Variants in PRPF6 observed in about 807,000 individuals in gnomAD.
PRPF6 encodes pre-mRNA processing factor 6, also known as pre-mRNA-processing factor 6.
In PRPF6, 42 loss-of-function variants were observed where a neutral mutation model predicts 118.3. That is an observed-to-expected ratio of 0.35 (90% CI 0.28 to 0.46). The LOEUF (loss-of-function observed/expected upper bound fraction) is 0.46. Among genes scored for constraint, PRPF6 ranks in the 20% least tolerant of loss-of-function variants. The probability of loss-of-function intolerance (pLI) is 1.00; values close to 1 mark genes in which losing one functional copy is unlikely to be tolerated. For synonymous variants in PRPF6, 481 were observed against 485.1 expected (o/e 0.99, Z 0.11); for missense variants, 662 against 1,255.7 (o/e 0.53, Z 7.15).
At chr20:64,010,346 G>C (rs749384713) in intron 10 of PRPF6, 28 bp downstream of exon 10, 2 of 1,582,408 alleles carry the variant, frequency 1.3e-6, no homozygotes, top group Admixed American at 3.3e-5. Flanking sequence ...AGGGCCACCA[G>C]AGCCCAAAGT....
intron 8 of PRPF6, 33 bp downstream of exon 8, chr20:63,999,792 G>A (rs372733757): frequency 9.1e-5 from 147 of 1,612,028 alleles, no homozygotes; most frequent in Non-Finnish European, 1.1e-4. Flanking sequence ...TTTCCTGGGA[G>A]GCTGCGTGAT....
intron 19 of PRPF6, among the ~76,000 whole-genome samples, chr20:64,031,405 G>A (rs553544952): frequency 5.9e-5 from 9 of 152,316 alleles, no homozygotes; most frequent in African/African-American, 1.4e-4. Context: ...GGACAGGTGC[G>A]GTGGCTCATG....
At chr20:63,984,804 G>T in intron 2 of PRPF6, 103 bp from the exon 3 acceptor site, 1 of 875,336 alleles carries the variant, frequency 1.1e-6, no homozygotes, top group Non-Finnish European at 1.9e-6. Flanking sequence ...GTTGGCTGAA[G>T]AAAATAATTT....
chr20:64,032,339 G>A (rs753227627), intron 20 of PRPF6, among the ~76,000 whole-genome samples: 3 of 152,236 alleles, frequency 2.0e-5, no homozygotes, highest in Non-Finnish European at 4.4e-5. Flanking sequence ...GCTGGCTGGA[G>A]CCTGGGCTCA....
In PRPF6 at chr20:64,027,374, AGT is replaced by A. The variant is rs1215858941; in HGVS notation, c.2205+220_2205+221del. On this transcript the variant is annotated intron_variant, in intron 16 of 20. Coordinates refer to ENST00000266079, the MANE Select transcript of PRPF6 (RefSeq NM_012469.4). This position sits in a 1 kb window ranked among gnomAD's most constrained non-coding sequence, Gnocchi z 6.5. ...CTGCACACACTGCTCAGAAGTGCAG[AGT>A]GTGGCACACCTGCAGTAAAGGCTGG... Among the ~76,000 whole-genome samples, 1 of 152,078 alleles carries A rather than the reference AGT, an allele frequency of 6.6e-6. No individual in the cohort carries two copies. Among genetic ancestry groups the A allele is most frequent in the Non-Finnish European group, 1.5e-5 (1 of 68,002 alleles).
chr20:64,029,547 C>T lies in PRPF6; in HGVS notation c.2546+56C>T. 1 of 1,428,528 alleles carries T rather than the reference C, an allele frequency of 7.0e-7. No individual in the cohort carries two copies. Among genetic ancestry groups the T allele is most frequent in the Non-Finnish European group, 9.9e-7 (1 of 1,013,340 alleles). The allele number at this position is 1,428,528 out of a possible 1,614,324, so 88.5% of individuals were successfully genotyped here. ...CTCGGGGTCCTAATGGGCTCTTTTT[C>T]CAGAGTCTGTCTGCCTCTTCCTGGT... On this transcript the variant is annotated intron_variant, in intron 19 of 20. Transcript: ENST00000266079. The surrounding 1 kb of genome is among the most constrained non-coding windows in gnomAD (Gnocchi z 4.8).
chr20:64,020,913 A>G (rs1317609974), intron 12 of PRPF6, among the ~76,000 whole-genome samples: 1 of 151,936 alleles, frequency 6.6e-6, no homozygotes, highest in Non-Finnish European at 1.5e-5. Context: ...CAGCCTCCCA[A>G]GTAGCTGGGA....
In PRPF6 at chr20:64,025,508, C is replaced by A. The variant is rs556825209; in HGVS notation, c.1909-431C>A. Among the ~76,000 whole-genome samples the A allele has an allele frequency of 7.4e-4, 112 of 152,356 alleles. 1 individual carries two copies. Among genetic ancestry groups the A allele is most frequent in the African/African-American group, 2.6e-3 (108 of 41,578 alleles). On this transcript the variant is annotated intron_variant, in intron 14 of 20. Transcript: ENST00000266079. The stretch of plus-strand genomic sequence containing the variant: ...GGCACCCTGGGAGTCCTCTCTCCTG[C>A]CCATGTGGGCTCATGAGGACAGGAC...
At chr20:64,022,367 G>T (rs888154941) in intron 12 of PRPF6, among the ~76,000 whole-genome samples, 3 of 152,190 alleles carry the variant, frequency 2.0e-5, no homozygotes, top group Non-Finnish European at 4.4e-5. Context: ...GAGTGCAGTG[G>T]CGTGATCTCG....
chr20:64,006,370 G>A (rs2059189872), intron 9 of PRPF6, among the ~76,000 whole-genome samples: 1 of 148,800 alleles, frequency 6.7e-6, no homozygotes, highest in South Asian at 2.1e-4. Context: ...AGGCTAGAGT[G>A]CAGTGGCGCA....
At chr20:64,001,318 C>A in intron 9 of PRPF6, 79 bp downstream of exon 9, 1 of 1,534,338 alleles carries the variant, frequency 6.5e-7, no homozygotes, top group Non-Finnish European at 9.0e-7. Context: ...CTGGCTCAGG[C>A]TTTTGGTGAG....
At chr20:64,002,626 G>A (rs1264386160) in intron 9 of PRPF6, among the ~76,000 whole-genome samples, 1 of 150,590 alleles carries the variant, frequency 6.6e-6, no homozygotes, top group African/African-American at 2.4e-5. Flanking sequence ...GTGAGCCCCT[G>A]TGCCTGGCCT....
chr20:64,013,529 C>T (rs1466447995), intron 11 of PRPF6, among the ~76,000 whole-genome samples: 22 of 152,016 alleles, frequency 1.4e-4, no homozygotes, highest in Admixed American at 1.4e-3. Flanking sequence ...TCACTGCATC[C>T]TTGACCTGGG....
intron 3 of PRPF6, among the ~76,000 whole-genome samples, chr20:63,993,151 GGTTGC>G (rs1292307364): frequency 1.3e-5 from 2 of 151,524 alleles, no homozygotes; most frequent in Non-Finnish European, 2.9e-5. Context: ...AGGAGGTGGA[GGTTGC>G]AGTGAGCTGA....
At chr20:64,000,956 G>A in intron 8 of PRPF6, 121 bp from the exon 9 acceptor site, 1 of 1,025,480 alleles carries the variant, frequency 9.8e-7, no homozygotes, top group Non-Finnish European at 1.5e-6. Context: ...GTTAGAGGCT[G>A]AGCTAATTGG....
In PRPF6 at chr20:64,030,230, A is replaced by G. The variant is rs1165738452; in HGVS notation, c.2546+739A>G. Among the ~76,000 whole-genome samples, 6 of 152,126 alleles carry G rather than the reference A, an allele frequency of 3.9e-5. No individual in the cohort carries two copies. The East Asian group carries it at 1.2e-3, about 29-fold the overall frequency. ...CTGAGTGTGGGTCAGGAGGCTGGGA[A>G]GTGACCATGTGGGGTGAAGGGAGTT... On this transcript the variant is annotated intron_variant, in intron 19 of 20. Transcript: ENST00000266079.
chr20:64,027,242 G>C lies in PRPF6; in HGVS notation c.2205+84G>C. On this transcript the variant is annotated intron_variant, in intron 16 of 20. Transcript: ENST00000266079. The surrounding 1 kb of genome is among the most constrained non-coding windows in gnomAD (Gnocchi z 6.5). Reference sequence around the variant, plus strand: ...CCCTGGTGCAGGGTCATTGCCCTTCGCCTCTGAGGAGATGTGGAGGGCTGG... The same window carrying C: ...CCCTGGTGCAGGGTCATTGCCCTTCCCCTCTGAGGAGATGTGGAGGGCTGG... The C allele has an allele frequency of 6.6e-7, 1 of 1,523,820 alleles. No individual in the cohort carries two copies. Among genetic ancestry groups the C allele is most frequent in the Non-Finnish European group, 9.0e-7 (1 of 1,113,948 alleles). 94.4% of individuals were successfully genotyped at this position (1,523,820 alleles called of 1,614,324 possible).
chr20:64,032,288 T>C (rs816936), intron 20 of PRPF6, among the ~76,000 whole-genome samples: 12,003 of 152,228 alleles, frequency 0.079, 541 homozygotes, highest in African/African-American at 0.12. Flanking sequence ...ACCCTGTCCG[T>C]TAGGGTGGCC....
chr20:63,987,060 C>T (rs1348805412), intron 3 of PRPF6, among the ~76,000 whole-genome samples: 1 of 150,838 alleles, frequency 6.6e-6, no homozygotes, highest in African/African-American at 2.4e-5. Context: ...GTCCTAGCTA[C>T]TCAGGAGGCT....
Sources: allele counts gnomAD v4.1 joint callset (sites outside exome capture counted in the v4.1 genomes callset), GRCh38; gene constraint gnomAD v4.1.1; non-coding constraint Gnocchi (gnomAD v3.1); transcripts MANE v1.5; gene names NCBI Gene and HGNC (gene_info 2026-07-23, HGNC 2026-07-21).